CWC25: variants seen among roughly 807,000 people sequenced by gnomAD.
The protein encoded by CWC25 is pre-mRNA-splicing factor CWC25 homolog.
A neutral mutation model predicts 54.6 loss-of-function variants in CWC25; 31 were observed. That is an observed-to-expected ratio of 0.57 (90% confidence interval 0.43 to 0.77). The LOEUF (loss-of-function observed/expected upper bound fraction) is 0.77. Among genes scored for constraint, CWC25 ranks in the 30% least tolerant of loss-of-function variants. The pLI, the probability that CWC25 is intolerant of heterozygous loss-of-function variation, is 0.00. For synonymous variants in CWC25, 151 were observed against 187.0 expected (o/e 0.81, Z 1.57); for missense variants, 453 against 529.3 (o/e 0.86, Z 1.41).
At chr17:38,808,259 G>A (rs1255980366) in intron 6 of CWC25, among the ~76,000 whole-genome samples, 1 of 136,978 alleles carries the variant, frequency 7.3e-6, no homozygotes, top group East Asian at 2.2e-4. Context: ...GTGGGTGCCC[G>A]TAGTCCCAGC....
At chr17:38,818,738 T>C (rs1911805991) in intron 2 of CWC25, among the ~76,000 whole-genome samples, 1 of 151,534 alleles carries the variant, frequency 6.6e-6, no homozygotes, top group Non-Finnish European at 1.5e-5. Flanking sequence ...TTGTAGGACA[T>C]GTGATAGGGC....
At chr17:38,824,218 C>G (rs999036305) in intron 1 of CWC25, among the ~76,000 whole-genome samples, 1 of 152,156 alleles carries the variant, frequency 6.6e-6, no homozygotes, top group African/African-American at 2.4e-5. Flanking sequence ...TACATTTACC[C>G]TATTTGGGGC....
At chr17:38,824,955 G>C (rs1273289804) in intron 1 of CWC25, among the ~76,000 whole-genome samples, 1 of 152,110 alleles carries the variant, frequency 6.6e-6, no homozygotes, top group African/African-American at 2.4e-5. Context: ...AACACCACCT[G>C]TCACTGTTCG....
chr17:38,817,494 T>C (rs961065526), intron 2 of CWC25, among the ~76,000 whole-genome samples: 3 of 151,436 alleles, frequency 2.0e-5, no homozygotes, highest in Admixed American at 1.3e-4. Flanking sequence ...CTACTAAATA[T>C]ACAAAAAAAT....
chr17:38,802,708 C>T lies in CWC25; in HGVS notation c.1155G>A (p.Lys385=). The part of the protein sequence containing the change: ...RLEKLDSRDG[K]FIHRMKLESA... ...GAAGAAGATGCACTCACTGGATGAA[C>T]TTCCCATCCCGGGAGTCCAGCTTCT... is the stretch of plus-strand genomic sequence containing the variant. Residue 385 remains lysine (K), a synonymous_variant, in exon 9 of 10, where the codon AAG becomes AAA. Transcript: ENST00000614790. The T allele has an allele frequency of 1.2e-6, 2 of 1,613,954 alleles. No homozygotes were observed. Among genetic ancestry groups the T allele is most frequent in the Non-Finnish European group, 1.7e-6 (2 of 1,179,850 alleles).
In CWC25 at chr17:38,802,209, AG is replaced by A; in HGVS notation, c.1164-4del. The A allele has an allele frequency of 6.2e-7, 1 of 1,601,996 alleles. No homozygotes were observed. Among genetic ancestry groups the A allele is most frequent in the South Asian group, 1.1e-5 (1 of 89,934 alleles). On this transcript the variant is annotated splice_region_variant and splice_polypyrimidine_tract_variant and intron_variant, in intron 9 of 9. Coordinates refer to ENST00000614790, the MANE Select transcript of CWC25 (RefSeq NM_017748.5). Reference sequence around the variant, plus strand: ...ATGCACTCTCCAGCTTCATGCGGCTAGGAAGAGAAGACAGGCAAATGCAAGT... The same window carrying A: ...ATGCACTCTCCAGCTTCATGCGGCTAGAAGAGAAGACAGGCAAATGCAAGT...
At position 38,812,775 on chromosome 17, in the gene CWC25, T is replaced by G; in HGVS notation, c.498+20A>C. 7.3e-7 allele frequency: 1 copy of G among 1,361,692 alleles called. No homozygotes were observed. Among genetic ancestry groups the G allele is most frequent in the East Asian group, 2.5e-5 (1 of 39,992 alleles). The allele number at this position is 1,361,692 out of a possible 1,614,324, so 84.4% of individuals were successfully genotyped here. A position where few individuals can be genotyped will look rare whatever the true frequency, so the allele number is the denominator to read the frequency against. ...TATGGCTAAAAGATGCTCTTGGTGC[T>G]TATCTGGTATACTACTTACCAATTC... On this transcript the variant is annotated intron_variant, in intron 4 of 9. Coordinates refer to ENST00000614790, the MANE Select transcript of CWC25 (RefSeq NM_017748.5).
At chr17:38,811,942 A>T (rs1447757001) in intron 4 of CWC25, among the ~76,000 whole-genome samples, 4 of 145,598 alleles carry the variant, frequency 2.7e-5, no homozygotes, top group African/African-American at 7.5e-5. Context: ...TAGAAGCCTT[A>T]TTTTTTTTTT....
At chr17:38,813,009 C>A in intron 3 of CWC25, 145 bp from the exon 4 acceptor site, 1 of 579,794 alleles carries the variant, frequency 1.7e-6, no homozygotes, top group Non-Finnish European at 3.1e-6. Flanking sequence ...ACCTGTAATC[C>A]CAGCTACTTG....
chr17:38,802,719 G>A lies in CWC25; in HGVS notation c.1144C>T (p.Arg382Trp), dbSNP rs771247797. ...ACTCACTGGATGAACTTCCCATCCC[G>A]GGAGTCCAGCTTCTCTAGCCTCTGC... ...REQRLEKLDSRDGKFIHRMKL... is the reference protein window; with the variant it reads ...REQRLEKLDSWDGKFIHRMKL... The change falls in exon 9 of 10, where the codon CGG becomes TGG. Residue 382 changes from arginine (R) to tryptophan (W), a missense_variant. Around this residue, in one of 2 missense-constraint regions of CWC25, gnomAD observed 444 missense variants for 499.2 expected, o/e 0.89. Coordinates refer to ENST00000614790, the MANE Select transcript of CWC25 (RefSeq NM_017748.5). 5.0e-6 allele frequency: 8 copies of A among 1,613,768 alleles called. No individual in the cohort carries two copies. The highest frequency in any genetic ancestry group is 4.0e-5 in the African/African-American group (3 of 74,902).
chr17:38,809,877 C>T, intron 5 of CWC25, 112 bp from the exon 6 acceptor site: 1 of 890,142 alleles, frequency 1.1e-6, no homozygotes, highest in South Asian at 1.7e-5. Flanking sequence ...TTCCGCCTCC[C>T]AGCAGTTACC....
At chr17:38,806,452 C>A in intron 7 of CWC25, 57 bp from the exon 8 acceptor site, 1 of 1,377,278 alleles carries the variant, frequency 7.3e-7, no homozygotes, top group Non-Finnish European at 1.0e-6. Flanking sequence ...GGGGCTTACA[C>A]TGAATCCCTC....
chr17:38,815,899 T>C (rs1415296720), intron 2 of CWC25, among the ~76,000 whole-genome samples: 1 of 151,952 alleles, frequency 6.6e-6, no homozygotes, highest in Non-Finnish European at 1.5e-5. Context: ...TGGGAAAAAA[T>C]CAGAGGTAAC....
Position 38,815,068 on chromosome 17 carries a change from T to A in CWC25, c.221A>T (p.Tyr74Phe), listed in dbSNP as rs767935154. ...GTTCACCATCCCACCAGGACCCTGG[T>A]ACATCCAGTCCAACTTTTCTTCTTT... ...KKKEEKLDWM[Y>F]QGPGGMVNRD... Residue 74 changes from tyrosine to phenylalanine, a missense_variant, in exon 3 of 10, where the codon TAC becomes TTC. Physicochemically the swap from Tyr to Phe is conservative, Grantham distance 22. This residue lies in a region of CWC25 where 444 missense variants were observed against 499.2 expected (regional missense o/e 0.89). Transcript: ENST00000614790. 1 of 1,613,752 alleles carries A rather than the reference T, an allele frequency of 6.2e-7. No homozygotes were observed. Among genetic ancestry groups the A allele is most frequent in the Admixed American group, 1.7e-5 (1 of 59,966 alleles).
intron 8 of CWC25, 113 bp from the exon 9 acceptor site, chr17:38,802,974 C>G (rs989817290): frequency 4.4e-5 from 56 of 1,268,488 alleles, no homozygotes; most frequent in Non-Finnish European, 5.9e-5. Flanking sequence ...ACTGCTCTCT[C>G]CAAGTGCAAG....
At chr17:38,815,921 C>T (rs1247904423) in intron 2 of CWC25, among the ~76,000 whole-genome samples, 5 of 152,138 alleles carry the variant, frequency 3.3e-5, no homozygotes, top group South Asian at 2.1e-4. Context: ...GAATAAGTGA[C>T]GCTTTCAAGC....
At chr17:38,816,420 T>C (rs1229248558) in intron 2 of CWC25, among the ~76,000 whole-genome samples, 2 of 151,714 alleles carry the variant, frequency 1.3e-5, no homozygotes, top group African/African-American at 2.4e-5. Context: ...TGATTTTTTA[T>C]TTTTTCAATT....
intron 3 of CWC25, 120 bp from the exon 4 acceptor site, chr17:38,812,984 G>T: frequency 1.6e-6 from 1 of 631,622 alleles, no homozygotes; most frequent in South Asian, 1.8e-5. Context: ...TGATTAGCTG[G>T]GTGTGGTGGT....
chr17:38,821,418 C>T (rs1022470156), intron 1 of CWC25, among the ~76,000 whole-genome samples: 1 of 152,080 alleles, frequency 6.6e-6, no homozygotes, highest in African/African-American at 2.4e-5. Context: ...ATTAGCTGGG[C>T]GTGGTGGCAG....
Sources: gnomAD v4.1 joint callset for allele counts (sites outside exome capture counted in the v4.1 genomes callset) on GRCh38, gnomAD v4.1.1 for gene constraint, gnomAD v4.1.1 regional missense constraint, MANE v1.5 for transcripts, NCBI Gene and HGNC (gene_info 2026-07-23, HGNC 2026-07-21) for gene names.